TNS1: variants seen among roughly 807,000 people sequenced by gnomAD.
TNS1 encodes tensin-1.
Under a neutral mutation model 168.6 loss-of-function variants are expected in TNS1, and 62 were observed. The ratio of observed to expected loss-of-function variants is 0.37; its 90% CI spans 0.30 to 0.45. TNS1 has a LOEUF of 0.45. Among genes scored for constraint, TNS1 ranks in the 20% least tolerant of loss-of-function variants. TNS1 has a pLI of 1.00. For synonymous variants in TNS1, 934 were observed against 933.2 expected (o/e 1.00, Z -0.02); for missense variants, 2,240 against 2,339.4 (o/e 0.96, Z 0.88).
intron 3 of TNS1, among the ~76,000 whole-genome samples, chr2:217,959,524 G>C (rs1440622663): frequency 1.3e-5 from 2 of 151,518 alleles, no homozygotes; most frequent in African/African-American, 2.4e-5. Context: ...TCTTAGCATG[G>C]AATCTTATCA....
intron 23 of TNS1, among the ~76,000 whole-genome samples, chr2:217,819,566 T>C (rs922241593): frequency 6.6e-6 from 1 of 152,220 alleles, no homozygotes; most frequent in Non-Finnish European, 1.5e-5. Context: ...CCTGGGGTAA[T>C]TGCCACAGTC....
intron 2 of TNS1, among the ~76,000 whole-genome samples, chr2:217,979,528 G>GACACACACACACAC (rs35499293): frequency 2.0e-5 from 3 of 146,784 alleles, no homozygotes; most frequent in South Asian, 4.3e-4. Flanking sequence ...GAAACACACA[G>GACACACACACACAC]ACACACACAC....
At chr2:217,904,154 C>G (rs1040975674) in intron 6 of TNS1, among the ~76,000 whole-genome samples, 1 of 152,250 alleles carries the variant, frequency 6.6e-6, no homozygotes, top group African/African-American at 2.4e-5. Flanking sequence ...CCACATAGCA[C>G]CCCCTTCAGC....
chr2:218,007,290 T>G (rs140666495), upstream of TNS1, among the ~76,000 whole-genome samples: 1,170 of 152,280 alleles, frequency 7.7e-3, 14 homozygotes, highest in African/African-American at 0.025. Context: ...AACTAGGCAC[T>G]TGGCTTGCTG....
chr2:217,977,537 C>T (rs556492531), intron 3 of TNS1, among the ~76,000 whole-genome samples: 110 of 152,308 alleles, frequency 7.2e-4, no homozygotes, highest in African/African-American at 2.6e-3. Context: ...AACACTTGTC[C>T]CTCTAAGCTC....
intron 3 of TNS1, among the ~76,000 whole-genome samples, chr2:217,946,969 T>TCTCTCACACACACA (rs1553618866): frequency 1.7e-5 from 2 of 118,810 alleles, no homozygotes; most frequent in Admixed American, 8.3e-5. Context: ...TCTCTCTCTC[T>TCTCTCACACACACA]CACACACACA....
intron 1 of TNS1, among the ~76,000 whole-genome samples, chr2:218,028,189 C>T (rs1335060467): frequency 3.3e-5 from 5 of 152,206 alleles, no homozygotes; most frequent in Non-Finnish European, 7.3e-5. Context: ...ACCCTGCACA[C>T]ATTCTTATCT....
chr2:217,848,402 G>A lies in TNS1; in HGVS notation c.2115C>T (p.Pro705=), dbSNP rs757660384. 5.0e-6 allele frequency: 8 copies of A among 1,586,480 alleles called. No homozygotes were observed. The Admixed American group carries it at 1.4e-4, about 27-fold the overall frequency. Residue 705 remains proline, a synonymous_variant, in exon 19 of 33, where the codon CCC becomes CCT. Transcript: ENST00000682258. ...AHAGHTAPMR[P]SYSAQEGLAG... ...CTAAACCCTCCTGTGCAGAGTAGGA[G>A]GGCCGCATGGGGGCCGTGTGGCCAG...
At chr2:217,854,370 C>A (rs539925826) in intron 18 of TNS1, among the ~76,000 whole-genome samples, 1 of 152,220 alleles carries the variant, frequency 6.6e-6, no homozygotes, top group South Asian at 2.1e-4. Context: ...CCTTCCCTGT[C>A]GGACCAGCAG....
intron 13 of TNS1, 71 bp from the exon 14 acceptor site, chr2:217,886,175 A>C (rs1553598937): frequency 6.6e-7 from 1 of 1,514,620 alleles, no homozygotes; most frequent in Non-Finnish European, 9.1e-7. Flanking sequence ...GGAGACAGTG[A>C]AGGGAGAAAG....
intron 3 of TNS1, among the ~76,000 whole-genome samples, chr2:217,928,576 G>A (rs1032913828): frequency 6.6e-6 from 1 of 152,192 alleles, no homozygotes; most frequent in Non-Finnish European, 1.5e-5. Context: ...GTGGGGACAG[G>A]GAGTGGGCCT....
chr2:218,019,101 A>AT (rs1053515432), intron 1 of TNS1, among the ~76,000 whole-genome samples: 1 of 152,156 alleles, frequency 6.6e-6, no homozygotes, highest in African/African-American at 2.4e-5. Flanking sequence ...AAACAAAAAA[A>AT]AAATAAAGGA....
In TNS1 at chr2:217,848,733, C is replaced by T. The variant is rs757417754; in HGVS notation, c.1784G>A (p.Gly595Asp). Residue 595 changes from glycine (G) to aspartate (D), a missense_variant, in exon 19 of 33, where the codon GGC becomes GAC. Coordinates refer to ENST00000682258, the MANE Select transcript of TNS1 (RefSeq NM_001387777.1). ...TQHLRSRPAG[G>D]SAVPSSGRHV... Reference sequence around the variant, plus strand: ...GCGTCCAGAGGAGGGCACAGCCGAGCCCCCTGCTGGGCGGGACCTGAGGTG... The same window carrying T: ...GCGTCCAGAGGAGGGCACAGCCGAGTCCCCTGCTGGGCGGGACCTGAGGTG... 8 of 1,614,186 alleles carry T rather than the reference C, an allele frequency of 5.0e-6. No homozygotes were observed. The highest frequency in any genetic ancestry group is 4.4e-5 in the South Asian group (4 of 91,084).
At chr2:217,804,709 C>A in intron 32 of TNS1, 106 bp from the exon 33 acceptor site, 1 of 1,427,112 alleles carries the variant, frequency 7.0e-7, no homozygotes, top group East Asian at 2.4e-5. Flanking sequence ...CCTCTCTTCC[C>A]CATCCCTCCA....
In TNS1 at chr2:217,910,761, C is replaced by CA. The variant is rs1000148085; in HGVS notation, c.229-3511dup. 2.4e-4 allele frequency among the ~76,000 whole-genome samples: 35 copies of CA among 146,698 alleles called. 1 individual carries two copies. In the South Asian group the frequency reaches 5.0e-3, roughly 21 times the overall value. Reference sequence around the variant, plus strand: ...ACACACACACACACACACACACACACAACCATCCTTGCATGCCACTCCTGG... The same window carrying CA: ...ACACACACACACACACACACACACACAAACCATCCTTGCATGCCACTCCTGG... On this transcript the variant is annotated intron_variant, in intron 4 of 32. Coordinates refer to ENST00000682258, the MANE Select transcript of TNS1 (RefSeq NM_001387777.1).
intron 18 of TNS1, chr2:217,859,784 G>C (rs981314422): frequency 1.8e-6 from 2 of 1,135,996 alleles, no homozygotes; most frequent in Admixed American, 4.0e-5. Context: ...AGATCCGAGA[G>C]CCATGCAGCT....
intron 3 of TNS1, among the ~76,000 whole-genome samples, chr2:217,972,264 C>T (rs1472743026): frequency 6.6e-6 from 1 of 152,188 alleles, no homozygotes; most frequent in Non-Finnish European, 1.5e-5. Context: ...GGGATTTAAA[C>T]TTAAGTCTGT....
At chr2:218,025,603 C>G (rs567902840) in intron 1 of TNS1, among the ~76,000 whole-genome samples, 10 of 151,406 alleles carry the variant, frequency 6.6e-5, no homozygotes, top group African/African-American at 2.2e-4. Context: ...CAGACCCCCC[C>G]ACAGGCTTGT....
At chr2:217,912,554 G>A (rs983334898) in intron 4 of TNS1, among the ~76,000 whole-genome samples, 2 of 152,230 alleles carry the variant, frequency 1.3e-5, no homozygotes, top group African/African-American at 4.8e-5. Context: ...GGAGCTGGCA[G>A]GGAGGGCTAG....
Sources: gnomAD v4.1 joint callset for allele counts (sites outside exome capture counted in the v4.1 genomes callset) on GRCh38, gnomAD v4.1.1 for gene constraint, MANE v1.5 for transcripts, NCBI Gene and HGNC (gene_info 2026-07-23, HGNC 2026-07-21) for gene names.